Variants in MYO1B observed in about 807,000 individuals in gnomAD.
MYO1B encodes the protein myosin IB.
Under a neutral mutation model 159.7 loss-of-function variants are expected in MYO1B, and 72 were observed. The observed-to-expected ratio is 0.45, with a 90% confidence interval of 0.37 to 0.55. MYO1B has a LOEUF of 0.55. Among genes scored for constraint, MYO1B ranks in the 20% least tolerant of loss-of-function variants. The probability of loss-of-function intolerance (pLI) is 0.00; values close to 1 mark genes in which losing one functional copy is unlikely to be tolerated. For missense variants in MYO1B, 1,062 were observed against 1,364.8 expected (o/e 0.78, Z 3.50); for synonymous variants, 468 against 473.8 (o/e 0.99, Z 0.16).
intron 1 of MYO1B, among the ~76,000 whole-genome samples, chr2:191,271,395 T>C (rs1687446867): frequency 6.6e-6 from 1 of 152,224 alleles, no homozygotes; most frequent in African/African-American, 2.4e-5. Context: ...TCCTTTAGGC[T>C]GGGTGCAGTG....
At chr2:191,315,745 A>C (rs10172030) in intron 3 of MYO1B, among the ~76,000 whole-genome samples, 13,941 of 152,270 alleles carry the variant, frequency 0.092, 2,037 homozygotes, top group African/African-American at 0.31. Context: ...TAGATAGCTA[A>C]TTCTCATGTT....
chr2:191,380,970 A>G (rs1695005490), intron 13 of MYO1B: 2 of 259,958 alleles, frequency 7.7e-6, no homozygotes, highest in South Asian at 5.2e-5. Flanking sequence ...ACACATACAC[A>G]CATGTTCGTA....
chr2:191,338,468 C>T (rs1308855201), intron 4 of MYO1B, among the ~76,000 whole-genome samples: 1 of 152,090 alleles, frequency 6.6e-6, no homozygotes, highest in East Asian at 1.9e-4. Context: ...CTTTAACAGC[C>T]AAGTGATGTA....
chr2:191,368,369 G>C (rs900286301), intron 11 of MYO1B, among the ~76,000 whole-genome samples: 1 of 152,146 alleles, frequency 6.6e-6, no homozygotes, highest in Non-Finnish European at 1.5e-5. Flanking sequence ...CTCTCCCAAG[G>C]CCAGTTCCTT....
At chr2:191,322,243 A>G (rs1015072523) in intron 3 of MYO1B, among the ~76,000 whole-genome samples, 1 of 152,126 alleles carries the variant, frequency 6.6e-6, no homozygotes, top group Non-Finnish European at 1.5e-5. Context: ...TCAGCAGCAC[A>G]AGGGATTGCT....
At chr2:191,245,687 C>G (rs887865882) in intron 1 of MYO1B, 61 bp downstream of exon 1, 1 of 152,252 alleles carries the variant, frequency 6.6e-6, no homozygotes, top group Admixed American at 6.5e-5. Flanking sequence ...TCGTCGGCCC[C>G]CGAGGCGCCT....
intron 2 of MYO1B, among the ~76,000 whole-genome samples, chr2:191,283,634 G>A (rs1688194765): frequency 6.6e-6 from 1 of 152,130 alleles, no homozygotes. Context: ...AAGAAACCGA[G>A]GCTCATAAAG....
intron 23 of MYO1B, among the ~76,000 whole-genome samples, chr2:191,401,284 T>A (rs1309225835): frequency 2.0e-5 from 3 of 152,140 alleles, no homozygotes; most frequent in Non-Finnish European, 2.9e-5. Flanking sequence ...AATTTATGAA[T>A]GAAATTTTTT....
intron 3 of MYO1B, among the ~76,000 whole-genome samples, chr2:191,298,558 C>A (rs1689119358): frequency 6.6e-6 from 1 of 152,082 alleles, no homozygotes; most frequent in African/African-American, 2.4e-5. Flanking sequence ...CTGGGTGATT[C>A]TTAGGCGCAT....
intron 1 of MYO1B, among the ~76,000 whole-genome samples, chr2:191,259,085 T>C (rs1050671738): frequency 4.6e-5 from 7 of 152,234 alleles, no homozygotes; most frequent in Non-Finnish European, 1.0e-4. Context: ...TACCGTTTGC[T>C]GTCTTGGCAG....
At chr2:191,409,282 A>G in intron 26 of MYO1B, 104 bp downstream of exon 26, 1 of 1,292,268 alleles carries the variant, frequency 7.7e-7, no homozygotes, top group Non-Finnish European at 1.1e-6. Context: ...CTTTGCCTCA[A>G]AGAGGATTAC....
At chr2:191,353,445 G>C (rs1693050151) in intron 7 of MYO1B, among the ~76,000 whole-genome samples, 2 of 152,168 alleles carry the variant, frequency 1.3e-5, no homozygotes, top group Non-Finnish European at 2.9e-5. Flanking sequence ...GAATAGCACA[G>C]AGAAATATAC....
chr2:191,265,937 A>G (rs1687114251), intron 1 of MYO1B, among the ~76,000 whole-genome samples: 1 of 150,036 alleles, frequency 6.7e-6, no homozygotes, highest in Non-Finnish European at 1.5e-5. Context: ...TGGACCTTCT[A>G]GGGTTGTGGC....
chr2:191,383,196 T>C, intron 14 of MYO1B, 84 bp from the exon 15 acceptor site: 1 of 770,950 alleles, frequency 1.3e-6, no homozygotes, highest in Non-Finnish European at 2.1e-6. Context: ...GGAAATATGA[T>C]AAGATGGTCA....
At chr2:191,377,215 T>C (rs1282239489) in intron 13 of MYO1B, among the ~76,000 whole-genome samples, 1 of 152,232 alleles carries the variant, frequency 6.6e-6, no homozygotes, top group Non-Finnish European at 1.5e-5. Flanking sequence ...CCTTGCTGTT[T>C]GCCTTTGTTC....
chr2:191,334,117 G>GTT (rs35981729), intron 4 of MYO1B, among the ~76,000 whole-genome samples: 2 of 146,234 alleles, frequency 1.4e-5, no homozygotes, highest in Admixed American at 6.8e-5. Flanking sequence ...GTGACTAACG[G>GTT]TTTTTTTTTT....
At chr2:191,308,694 C>A (rs575271946) in intron 3 of MYO1B, among the ~76,000 whole-genome samples, 78 of 152,172 alleles carry the variant, frequency 5.1e-4, no homozygotes, top group Non-Finnish European at 9.6e-4. Flanking sequence ...TAGTTCATCT[C>A]TTTTTCTTTT....
At chr2:191,418,984 A>G (rs904369780) in intron 30 of MYO1B, among the ~76,000 whole-genome samples, 1 of 152,234 alleles carries the variant, frequency 6.6e-6, no homozygotes, top group African/African-American at 2.4e-5. Flanking sequence ...AATGGATTGC[A>G]CAGATGACGG....
At chr2:191,416,271 T>A in intron 30 of MYO1B, 29 bp downstream of exon 30, 2 of 1,613,210 alleles carry the variant, frequency 1.2e-6, no homozygotes, top group Non-Finnish European at 1.7e-6. Context: ...TGAAAACCCT[T>A]TTTCTCTTTC....
Sources: allele counts gnomAD v4.1 joint callset (sites outside exome capture counted in the v4.1 genomes callset), GRCh38; gene constraint gnomAD v4.1.1; transcripts MANE v1.5; gene names NCBI Gene and HGNC (gene_info 2026-07-23, HGNC 2026-07-21).